The following LRFN2 variants were observed in gnomAD, a reference collection of about 807,000 sequenced individuals.
LRFN2 encodes leucine rich repeat and fibronectin type III domain containing 2, also known as leucine-rich repeat and fibronectin type-III domain-containing protein 2.
LRFN2 carries 18 observed loss-of-function variants against 37.3 expected under a neutral mutation model. That is an observed-to-expected ratio of 0.48 (90% CI 0.33 to 0.72). The LOEUF (loss-of-function observed/expected upper bound fraction) is 0.72, where lower values mean the gene tolerates loss of function less well. Among genes scored for constraint, LRFN2 ranks in the 30% least tolerant of loss-of-function variants. LRFN2 has a pLI of 0.02. For synonymous variants in LRFN2, 556 were observed against 466.6 expected (o/e 1.19, Z -2.47); for missense variants, 1,006 against 1,060.7 (o/e 0.95, Z 0.72).
intron 1 of LRFN2, among the ~76,000 whole-genome samples, chr6:40,486,476 C>T (rs1764961445): frequency 6.6e-6 from 1 of 152,062 alleles, no homozygotes; most frequent in Non-Finnish European, 1.5e-5. Context: ...ATGGCAGATT[C>T]TTTCAGGGTT....
At chr6:40,585,216 G>A (rs1297702140) in intron 1 of LRFN2, among the ~76,000 whole-genome samples, 1 of 152,174 alleles carries the variant, frequency 6.6e-6, no homozygotes, top group Non-Finnish European at 1.5e-5. Flanking sequence ...ATGAGGGCAG[G>A]AAGATAAATA....
chr6:40,471,408 G>T (rs1390759565), intron 1 of LRFN2, among the ~76,000 whole-genome samples: 2 of 152,192 alleles, frequency 1.3e-5, no homozygotes, highest in Admixed American at 1.3e-4. Context: ...ATATTGTCAT[G>T]CCATGGGGAG....
chr6:40,525,184 AG>A (rs1179586043), intron 1 of LRFN2, among the ~76,000 whole-genome samples: 2 of 152,122 alleles, frequency 1.3e-5, no homozygotes, highest in Non-Finnish European at 2.9e-5. Flanking sequence ...TGGTGATTCC[AG>A]GAGGGGAGCA....
At chr6:40,569,275 G>A (rs1055918424) in intron 1 of LRFN2, among the ~76,000 whole-genome samples, 1 of 152,180 alleles carries the variant, frequency 6.6e-6, no homozygotes, top group African/African-American at 2.4e-5. Flanking sequence ...TTTCAAGGGA[G>A]GACTGGCCTG....
intron 1 of LRFN2, among the ~76,000 whole-genome samples, chr6:40,452,494 A>G (rs936491270): frequency 2.0e-5 from 3 of 152,186 alleles, no homozygotes; most frequent in South Asian, 2.1e-4. Flanking sequence ...CTGCTGGATT[A>G]TTACTTCAGA....
intron 1 of LRFN2, among the ~76,000 whole-genome samples, chr6:40,491,140 C>G (rs1765084198): frequency 6.6e-6 from 1 of 152,200 alleles, no homozygotes; most frequent in South Asian, 2.1e-4. Flanking sequence ...CTGGGAGCCA[C>G]TGCAGGATCT....
At chr6:40,464,433 G>T (rs1764413395) in intron 1 of LRFN2, among the ~76,000 whole-genome samples, 1 of 152,168 alleles carries the variant, frequency 6.6e-6, no homozygotes, top group Non-Finnish European at 1.5e-5. Flanking sequence ...CCTGATAAAA[G>T]AATTAGTTGT....
chr6:40,440,890 C>A (rs1030926931), intron 1 of LRFN2, among the ~76,000 whole-genome samples: 68 of 152,170 alleles, frequency 4.5e-4, no homozygotes, highest in African/African-American at 1.5e-3. Flanking sequence ...CCCAAATAAA[C>A]TACTTACACT....
chr6:40,471,656 T>G (rs1561869177), intron 1 of LRFN2, among the ~76,000 whole-genome samples: 1 of 152,110 alleles, frequency 6.6e-6, no homozygotes, highest in Non-Finnish European at 1.5e-5. Context: ...AGCGTTGCAG[T>G]GAGGATGGAA....
intron 2 of LRFN2, among the ~76,000 whole-genome samples, chr6:40,414,875 A>C (rs971592753): frequency 6.6e-6 from 1 of 152,206 alleles, no homozygotes; most frequent in Non-Finnish European, 1.5e-5. Flanking sequence ...ATGGTTCCGG[A>C]CAATGTGAGG....
intron 1 of LRFN2, among the ~76,000 whole-genome samples, chr6:40,559,061 G>T (rs1766943501): frequency 6.6e-6 from 1 of 152,030 alleles, no homozygotes. Flanking sequence ...AACGGAGGGG[G>T]CATGGGGAAG....
intron 2 of LRFN2, among the ~76,000 whole-genome samples, chr6:40,425,991 T>C (rs72862364): frequency 6.6e-6 from 1 of 152,284 alleles, no homozygotes; most frequent in Non-Finnish European, 1.5e-5. Context: ...CTGTGAAACC[T>C]CGAGGTGGGT....
At chr6:40,408,377 C>G (rs998229575) in intron 2 of LRFN2, among the ~76,000 whole-genome samples, 1 of 152,112 alleles carries the variant, frequency 6.6e-6, no homozygotes, top group East Asian at 1.9e-4. Context: ...GCAGGGGCTT[C>G]TTGGTTCTAT....
At chr6:40,509,042 C>A (rs1010101271) in intron 1 of LRFN2, among the ~76,000 whole-genome samples, 6 of 152,230 alleles carry the variant, frequency 3.9e-5, no homozygotes, top group African/African-American at 1.2e-4. Context: ...GAGGTCTGCA[C>A]TAGAGATGTG....
chr6:40,558,178 T>A (rs1042409560), intron 1 of LRFN2, among the ~76,000 whole-genome samples: 2 of 152,178 alleles, frequency 1.3e-5, no homozygotes, highest in Non-Finnish European at 2.9e-5. Context: ...GCTGTTCTGA[T>A]TCCCCAGAGA....
At chr6:40,486,296 T>C (rs909805339) in intron 1 of LRFN2, among the ~76,000 whole-genome samples, 2 of 152,050 alleles carry the variant, frequency 1.3e-5, no homozygotes, top group African/African-American at 2.4e-5. Context: ...CAAGTGGGAA[T>C]ACAACAGCCA....
At chr6:40,533,752 G>C (rs564228810) in intron 1 of LRFN2, among the ~76,000 whole-genome samples, 61 of 152,306 alleles carry the variant, frequency 4.0e-4, no homozygotes, top group African/African-American at 1.3e-3. Context: ...CTCCTGAGAA[G>C]CATGCTGTGG....
At chr6:40,586,092 A>G (rs971279429) in intron 1 of LRFN2, among the ~76,000 whole-genome samples, 4 of 152,042 alleles carry the variant, frequency 2.6e-5, no homozygotes, top group African/African-American at 9.7e-5. Flanking sequence ...CAGAGGCTCT[A>G]TCTCCCTAGA....
chr6:40,395,847 C>T (rs1486844609), intron 2 of LRFN2, among the ~76,000 whole-genome samples: 1 of 152,166 alleles, frequency 6.6e-6, no homozygotes, highest in Non-Finnish European at 1.5e-5. Context: ...GGCATTCCAC[C>T]ATTTTGTTGG....
Sources: allele counts gnomAD v4.1 joint callset (sites outside exome capture counted in the v4.1 genomes callset), GRCh38; gene constraint gnomAD v4.1.1; transcripts MANE v1.5; gene names NCBI Gene and HGNC (gene_info 2026-07-23, HGNC 2026-07-21).